MCM9: variants seen among roughly 807,000 people sequenced by gnomAD.
MCM9 encodes minichromosome maintenance 9 homologous recombination repair factor.
A neutral mutation model predicts 72.8 loss-of-function variants in MCM9; 55 were observed. The observed-to-expected ratio is 0.76, with a 90% CI of 0.61 to 0.95. The LOEUF is 0.95. Among genes scored for constraint, MCM9 ranks in the 40% least tolerant of loss-of-function variants. The pLI, the probability that MCM9 is intolerant of heterozygous loss-of-function variation, is 0.00. For missense variants in MCM9, 1,279 were observed against 1,377.0 expected (o/e 0.93, Z 1.13); for synonymous variants, 480 against 503.4 (o/e 0.95, Z 0.62).
intron 8 of MCM9, among the ~76,000 whole-genome samples, chr6:118,872,115 A>G (rs1777637173): frequency 6.6e-6 from 1 of 152,164 alleles, no homozygotes; most frequent in African/African-American, 2.4e-5. Context: ...CAGGAGACTA[A>G]GACCATCCTG....
At chr6:118,827,714 CCT>C (rs938524079) in intron 11 of MCM9, among the ~76,000 whole-genome samples, 44 of 152,176 alleles carry the variant, frequency 2.9e-4, no homozygotes, top group African/African-American at 1.0e-3. Flanking sequence ...CACAAAGATT[CCT>C]CTTTCTTAAT....
At chr6:118,854,884 T>C (rs1000173079) in intron 9 of MCM9, among the ~76,000 whole-genome samples, 5 of 152,344 alleles carry the variant, frequency 3.3e-5, no homozygotes, top group Non-Finnish European at 4.4e-5. Flanking sequence ...TTATATAGTA[T>C]TGGATTTAAT....
At chr6:118,852,896 T>C (rs1375512301) in intron 9 of MCM9, among the ~76,000 whole-genome samples, 1 of 152,214 alleles carries the variant, frequency 6.6e-6, no homozygotes, top group Non-Finnish European at 1.5e-5. Flanking sequence ...ACAAACTATA[T>C]AGCCTTTTGT....
Position 118,885,896 on chromosome 6 carries a change from G to C in MCM9, c.1150+25754C>G, listed in dbSNP as rs142829877. Among the ~76,000 whole-genome samples the C allele has an allele frequency of 2.7e-3, 412 of 152,072 alleles. 1 individual carries two copies. The highest frequency in any genetic ancestry group is 9.3e-3 in the African/African-American group (387 of 41,490). On this transcript the variant is annotated intron_variant, in intron 8 of 13. Coordinates refer to ENST00000619706, the MANE Select transcript of MCM9 (RefSeq NM_017696.3). The stretch of plus-strand genomic sequence containing the variant: ...AAGATCAATATCACTTACGAATACA[G>C]ATGCAAAAATCCTCAACAAAATACT...
At position 118,906,246 on chromosome 6, in the gene MCM9, T is replaced by C. The variant is rs547108530; in HGVS notation, c.1150+5404A>G. Among the ~76,000 whole-genome samples, 4 of 152,280 alleles carry C rather than the reference T, an allele frequency of 2.6e-5. No homozygotes were observed. In the South Asian group the frequency reaches 8.3e-4, roughly 32 times the overall value. On this transcript the variant is annotated intron_variant, in intron 8 of 13. Coordinates refer to ENST00000619706, the MANE Select transcript of MCM9 (RefSeq NM_017696.3). ...TACCAACACGCCCAGATAATTTTTG[T>C]ATTTTTAGTAGAGGTGGAGTTTCAC...
chr6:118,857,625 C>CA (rs1776642545), intron 8 of MCM9, among the ~76,000 whole-genome samples: 6 of 73,192 alleles, frequency 8.2e-5, no homozygotes, highest in Non-Finnish European at 1.2e-4. Flanking sequence ...TCCAGACTGA[C>CA]CAAAAAAAAA....
At chr6:118,863,028 C>G (rs900365378) in intron 8 of MCM9, among the ~76,000 whole-genome samples, 1 of 152,064 alleles carries the variant, frequency 6.6e-6, no homozygotes, top group African/African-American at 2.4e-5. Context: ...AGGTCAGAAA[C>G]TCAGATCTAT....
chr6:118,827,798 T>C, intron 11 of MCM9, 129 bp downstream of exon 11: 2 of 834,720 alleles, frequency 2.4e-6, no homozygotes, highest in Non-Finnish European at 3.7e-6. Context: ...AGAGCCTTTA[T>C]TTTTAAGTGA....
chr6:118,933,105 C>T (rs1039483180), intron 1 of MCM9, among the ~76,000 whole-genome samples: 3 of 152,042 alleles, frequency 2.0e-5, no homozygotes, highest in African/African-American at 7.3e-5. Context: ...GTCAAAAATG[C>T]AATATGAATA....
At chr6:118,834,951 C>G (rs953178296) in intron 9 of MCM9, among the ~76,000 whole-genome samples, 1 of 152,116 alleles carries the variant, frequency 6.6e-6, no homozygotes, top group African/African-American at 2.4e-5. Context: ...TGAATGCTAT[C>G]ACCTAGGTTT....
chr6:118,877,079 C>G (rs147674665), intron 8 of MCM9, among the ~76,000 whole-genome samples: 2 of 152,236 alleles, frequency 1.3e-5, no homozygotes, highest in South Asian at 2.1e-4. Context: ...TGTAAAGAAG[C>G]CTAAGCAACC....
At chr6:118,828,439 G>A (rs1037547803) in intron 10 of MCM9, among the ~76,000 whole-genome samples, 12 of 151,462 alleles carry the variant, frequency 7.9e-5, no homozygotes, top group African/African-American at 1.5e-4. Flanking sequence ...AGGCTGGAGC[G>A]CAGTAGCACG....
chr6:118,917,624 C>T lies in MCM9; in HGVS notation c.841G>A (p.Asp281Asn), dbSNP rs757786455. The T allele has an allele frequency of 1.2e-6, 2 of 1,614,210 alleles. No individual in the cohort carries two copies. Among genetic ancestry groups the T allele is most frequent in the South Asian group, 2.2e-5 (2 of 91,092 alleles). Residue 281 changes from aspartate (D) to asparagine (N), a missense_variant, in exon 6 of 14, where the codon GAT becomes AAT. By Grantham distance (23) the Asp-to-Asn change is conservative. Transcript: ENST00000619706. ...NNEQSSGIIM[D>N]EEVQKEFEDF... ...TCGAATTCCTTTTGGACCTCCTCAT[C>T]CATGATGATCCCTGAGGACTGCTCA...
At chr6:118,839,595 C>T (rs554126924) in intron 9 of MCM9, among the ~76,000 whole-genome samples, 76 of 152,214 alleles carry the variant, frequency 5.0e-4, no homozygotes, top group African/African-American at 1.8e-3. Context: ...TGGTGACCTT[C>T]GGATGGGGTT....
At chr6:118,825,095 C>T (rs992989629) in intron 13 of MCM9, among the ~76,000 whole-genome samples, 1 of 152,158 alleles carries the variant, frequency 6.6e-6, no homozygotes, top group African/African-American at 2.4e-5. Context: ...ATGTCAGTTT[C>T]TGGTAGCTTG....
At chr6:118,904,196 T>C (rs1229138649) in intron 8 of MCM9, among the ~76,000 whole-genome samples, 1 of 152,154 alleles carries the variant, frequency 6.6e-6, no homozygotes, top group African/African-American at 2.4e-5. Flanking sequence ...AGATAGGAGA[T>C]GACATGAATT....
In MCM9 at chr6:118,913,283, A is replaced by C; in HGVS notation, c.1030+12T>G. 6.2e-7 allele frequency: 1 copy of C among 1,612,466 alleles called. No individual in the cohort carries two copies. ...TGTCAATATTACTCAAAATTTCTAA[A>C]TAGGTACTAACCTCTGACCCGTGTT... On this transcript the variant is annotated intron_variant, in intron 7 of 13. Transcript: ENST00000619706.
intron 5 of MCM9, chr6:118,918,171 A>C (rs1233213026): frequency 6.0e-6 from 1 of 166,712 alleles, no homozygotes; most frequent in Non-Finnish European, 1.3e-5. Context: ...GTTAAACTAT[A>C]ATTTGGAGTC....
At position 118,814,890 on chromosome 6, in the gene MCM9, A is replaced by G. The variant is rs1393417258; in HGVS notation, c.3366T>C (p.Thr1122=). The G allele has an allele frequency of 6.5e-7, 1 of 1,547,200 alleles. No homozygotes were observed. ...KLIVSKESLF[T]LPELGDEAFD... is the part of the protein sequence containing the mutation. ...ATGCTTCATCACCTAGTTCTGGTAAAGTGAAGAGGGATTCTTTGGAAACAA... is the reference window on the plus strand; with the variant it reads ...ATGCTTCATCACCTAGTTCTGGTAAGGTGAAGAGGGATTCTTTGGAAACAA... Residue 1122 remains threonine (T), a synonymous_variant, in exon 14 of 14, where the codon ACT becomes ACC. Coordinates refer to ENST00000619706, the MANE Select transcript of MCM9 (RefSeq NM_017696.3).
Sources: gnomAD v4.1 joint callset for allele counts (sites outside exome capture counted in the v4.1 genomes callset) on GRCh38, gnomAD v4.1.1 for gene constraint, MANE v1.5 for transcripts, NCBI Gene and HGNC (gene_info 2026-07-23, HGNC 2026-07-21) for gene names.